GPD2: variants seen among roughly 807,000 people sequenced by gnomAD.
GPD2 encodes the protein glycerol-3-phosphate dehydrogenase 2, also known as glycerol-3-phosphate dehydrogenase, mitochondrial.
A neutral mutation model predicts 82.4 loss-of-function variants in GPD2; 54 were observed. The observed-to-expected ratio is 0.66, with a 90% CI of 0.53 to 0.82. The LOEUF (loss-of-function observed/expected upper bound fraction) is 0.82, where lower values mean the gene tolerates loss of function less well. Among genes scored for constraint, GPD2 ranks in the 40% least tolerant of loss-of-function variants. The pLI is 0.00. For missense variants in GPD2, 748 were observed against 896.2 expected (o/e 0.83, Z 2.11); for synonymous variants, 288 against 306.1 (o/e 0.94, Z 0.62).
intron 6 of GPD2, among the ~76,000 whole-genome samples, chr2:156,537,998 A>G (rs1054919043): frequency 3.3e-5 from 5 of 152,256 alleles, no homozygotes; most frequent in Admixed American, 3.3e-4. Context: ...ATATGGCAAT[A>G]GCATCTAGCA....
intron 3 of GPD2, among the ~76,000 whole-genome samples, chr2:156,504,561 T>C (rs1007593128): frequency 7.2e-5 from 11 of 152,196 alleles, no homozygotes; most frequent in Admixed American, 2.0e-4. Flanking sequence ...TATTTAGAAA[T>C]ATCTTAATAG....
At chr2:156,568,053 A>G (rs987475166) in intron 9 of GPD2, among the ~76,000 whole-genome samples, 72 of 152,310 alleles carry the variant, frequency 4.7e-4, no homozygotes, top group African/African-American at 1.7e-3. Context: ...AAGGCAGAGT[A>G]TGGAAGTTGT....
intron 9 of GPD2, among the ~76,000 whole-genome samples, chr2:156,558,406 G>C (rs1277613868): frequency 6.6e-6 from 1 of 152,094 alleles, no homozygotes; most frequent in Non-Finnish European, 1.5e-5. Context: ...CACTTGAACA[G>C]TTGCATTGGC....
At chr2:156,403,877 A>G in the GPD2 span, among the ~76,000 whole-genome samples, 1 of 152,214 alleles carries the variant, frequency 6.6e-6, no homozygotes, top group Non-Finnish European at 1.5e-5. Flanking sequence ...TCCTTGCCGA[A>G]ACTCTCTTGC....
At chr2:156,471,443 T>C (rs541986376) in intron 1 of GPD2, among the ~76,000 whole-genome samples, 1 of 152,324 alleles carries the variant, frequency 6.6e-6, no homozygotes, top group East Asian at 1.9e-4. Context: ...ATCATAGAAA[T>C]ATTTTACTTC....
intron 2 of GPD2, among the ~76,000 whole-genome samples, chr2:156,483,348 T>C (rs1200286049): frequency 1.3e-5 from 2 of 152,208 alleles, no homozygotes; most frequent in Non-Finnish European, 2.9e-5. Flanking sequence ...ATAATGTAAC[T>C]TTACTTACAG....
chr2:156,528,934 G>T (rs1289416136), intron 6 of GPD2, among the ~76,000 whole-genome samples: 2 of 152,020 alleles, frequency 1.3e-5, no homozygotes, highest in African/African-American at 4.8e-5. Flanking sequence ...ATGATTTATA[G>T]TCCTTTGGGT....
chr2:156,554,601 C>T (rs1005504879), intron 8 of GPD2, among the ~76,000 whole-genome samples: 6 of 152,098 alleles, frequency 3.9e-5, no homozygotes, highest in South Asian at 4.1e-4. Flanking sequence ...GTTTTAATTT[C>T]GGAAAACACA....
At chr2:156,471,473 C>G (rs1683325822) in intron 1 of GPD2, among the ~76,000 whole-genome samples, 1 of 152,234 alleles carries the variant, frequency 6.6e-6, no homozygotes. Flanking sequence ...CAGTCTTCCT[C>G]TCTCTTCCCT....
intron 8 of GPD2, among the ~76,000 whole-genome samples, chr2:156,555,270 G>A (rs1686919338): frequency 2.0e-5 from 3 of 152,090 alleles, no homozygotes; most frequent in Admixed American, 6.5e-5. Flanking sequence ...TTCTCTACAG[G>A]TTCCAGTTAC....
chr2:156,463,940 A>G (rs1683070642), intron 1 of GPD2, among the ~76,000 whole-genome samples: 1 of 152,224 alleles, frequency 6.6e-6, no homozygotes, highest in Non-Finnish European at 1.5e-5. Context: ...TAGTACTTGA[A>G]TGCTTTTCAT....
At chr2:156,416,538 T>C in the GPD2 span, among the ~76,000 whole-genome samples, 1 of 151,010 alleles carries the variant, frequency 6.6e-6, no homozygotes, top group Admixed American at 6.6e-5. Context: ...TTTTTCTTTT[T>C]TTTTAATGGA....
At chr2:156,581,253 TTTTCAACTTTAAA>T (rs1688014058) in intron 16 of GPD2, among the ~76,000 whole-genome samples, 1 of 152,134 alleles carries the variant, frequency 6.6e-6, no homozygotes, top group South Asian at 2.1e-4. Context: ...CACAGTGTGA[TTTTCAACTTTAAA>T]ATGCTGACCA....
At chr2:156,535,622 TG>T (rs1686050926) in intron 6 of GPD2, among the ~76,000 whole-genome samples, 1 of 152,144 alleles carries the variant, frequency 6.6e-6, no homozygotes, top group African/African-American at 2.4e-5. Flanking sequence ...TCTTTATTTG[TG>T]TAGCCGCCCT....
At chr2:156,577,950 A>G (rs1212603413) in intron 13 of GPD2, among the ~76,000 whole-genome samples, 1 of 152,128 alleles carries the variant, frequency 6.6e-6, no homozygotes, top group Non-Finnish European at 1.5e-5. Flanking sequence ...ATACCTATTC[A>G]TGTTCCACAG....
intron 2 of GPD2, among the ~76,000 whole-genome samples, chr2:156,487,880 A>G (rs1246101695): frequency 6.6e-6 from 1 of 152,270 alleles, no homozygotes; most frequent in East Asian, 1.9e-4. Context: ...TATTTGAAGT[A>G]CATATATTCA....
At chr2:156,452,495 A>G (rs111288865) in intron 1 of GPD2, among the ~76,000 whole-genome samples, 42 of 152,366 alleles carry the variant, frequency 2.8e-4, no homozygotes, top group African/African-American at 9.4e-4. Flanking sequence ...TGGCAGCAGT[A>G]CAGTCCAGCT....
intron 8 of GPD2, among the ~76,000 whole-genome samples, chr2:156,553,027 G>A (rs1191832601): frequency 1.3e-5 from 2 of 151,228 alleles, no homozygotes; most frequent in South Asian, 4.2e-4. Flanking sequence ...AGCCTCCCGA[G>A]TAGCTCGCCC....
chr2:156,481,302 G>A (rs138725467), intron 2 of GPD2, among the ~76,000 whole-genome samples: 105 of 152,076 alleles, frequency 6.9e-4, no homozygotes, highest in African/African-American at 2.4e-3. Flanking sequence ...TCATTTCTTT[G>A]TGTTGTGAAC....
Sources: allele counts gnomAD v4.1 joint callset (sites outside exome capture counted in the v4.1 genomes callset), GRCh38; gene constraint gnomAD v4.1.1; transcripts MANE v1.5; gene names NCBI Gene and HGNC (gene_info 2026-07-23, HGNC 2026-07-21).